Variants in LHFPL3 observed in about 807,000 individuals in gnomAD.
LHFPL3 encodes LHFPL tetraspan subfamily member 3 protein.
LHFPL3 carries 5 observed loss-of-function variants against 19.3 expected under a neutral mutation model. The observed-to-expected ratio is 0.26, with a 90% confidence interval of 0.14 to 0.54. The LOEUF (loss-of-function observed/expected upper bound fraction) is 0.54, where lower values mean the gene tolerates loss of function less well. Among genes scored for constraint, LHFPL3 ranks in the 20% least tolerant of loss-of-function variants. The pLI, the probability that LHFPL3 is intolerant of heterozygous loss-of-function variation, is 0.94. For synonymous variants in LHFPL3, 133 were observed against 126.2 expected (o/e 1.05, Z -0.36); for missense variants, 249 against 307.4 (o/e 0.81, Z 1.42).
chr7:104,635,169 G>C (rs994643432), intron 1 of LHFPL3, among the ~76,000 whole-genome samples: 3 of 151,872 alleles, frequency 2.0e-5, no homozygotes, highest in African/African-American at 4.8e-5. Context: ...TAGACAATAT[G>C]GGGGGGAAAG....
chr7:104,329,365 G>A, intron 1 of LHFPL3, 141 bp downstream of exon 1: 1 of 1,142,830 alleles, frequency 8.8e-7, no homozygotes, highest in Non-Finnish European at 1.2e-6. Context: ...GGTGTGGGGG[G>A]CGGGAGCCCA....
chr7:104,800,999 G>A (rs557055201), intron 2 of LHFPL3, among the ~76,000 whole-genome samples: 2 of 152,204 alleles, frequency 1.3e-5, no homozygotes, highest in African/African-American at 2.4e-5. Flanking sequence ...AATGAGGGAG[G>A]TGATCAGGCA....
intron 2 of LHFPL3, among the ~76,000 whole-genome samples, chr7:104,758,439 G>A (rs748981445): frequency 3.3e-5 from 5 of 152,154 alleles, no homozygotes; most frequent in East Asian, 1.9e-4. Context: ...AATCATGGCT[G>A]TATAGAGGGG....
At chr7:104,568,895 G>C (rs1790174334) in intron 1 of LHFPL3, among the ~76,000 whole-genome samples, 2 of 152,180 alleles carry the variant, frequency 1.3e-5, no homozygotes, top group South Asian at 4.1e-4. Context: ...TTGGGATGTA[G>C]AATAGCAGAA....
chr7:104,525,376 G>T (rs1368938152), intron 1 of LHFPL3, among the ~76,000 whole-genome samples: 2 of 151,892 alleles, frequency 1.3e-5, no homozygotes, highest in Non-Finnish European at 2.9e-5. Flanking sequence ...TATTTTCATG[G>T]GTACTGATTT....
chr7:104,408,359 AT>A (rs11428458), intron 1 of LHFPL3, among the ~76,000 whole-genome samples: 4,710 of 149,064 alleles, frequency 0.032, 210 homozygotes, highest in East Asian at 0.16. Context: ...TTGTGGCAAC[AT>A]TTTTTTTTTT....
At chr7:104,802,930 G>C (rs1790284402) in intron 2 of LHFPL3, 1 of 152,242 alleles carries the variant, frequency 6.6e-6, no homozygotes. Flanking sequence ...TCTAAAATAT[G>C]ATGCTCTCCA....
intron 2 of LHFPL3, among the ~76,000 whole-genome samples, chr7:104,850,570 G>C (rs140430973): frequency 0.012 from 1,833 of 152,256 alleles, 37 homozygotes; most frequent in African/African-American, 0.042. Flanking sequence ...GCTTCCCCAG[G>C]ACAGGAAGTA....
chr7:104,489,010 C>T (rs994119816), intron 1 of LHFPL3, among the ~76,000 whole-genome samples: 16 of 152,124 alleles, frequency 1.1e-4, no homozygotes, highest in Admixed American at 5.2e-4. Context: ...GAAGGGACCC[C>T]CACTTGGTTT....
chr7:104,605,840 T>C (rs1211113226), intron 1 of LHFPL3, among the ~76,000 whole-genome samples: 1 of 149,694 alleles, frequency 6.7e-6, no homozygotes, highest in African/African-American at 2.4e-5. Context: ...CAAGTCCTTT[T>C]TGAATTTGGT....
At chr7:104,697,563 G>A (rs1793020117) in intron 1 of LHFPL3, among the ~76,000 whole-genome samples, 1 of 152,182 alleles carries the variant, frequency 6.6e-6, no homozygotes, top group Non-Finnish European at 1.5e-5. Flanking sequence ...AGTCAGATTT[G>A]CTGTGTATTA....
intron 1 of LHFPL3, among the ~76,000 whole-genome samples, chr7:104,702,053 T>C (rs1337235454): frequency 2.0e-5 from 3 of 150,574 alleles, no homozygotes; most frequent in Non-Finnish European, 3.0e-5. Context: ...CAGGCCCCAG[T>C]GTGTGATGTT....
intron 1 of LHFPL3, among the ~76,000 whole-genome samples, chr7:104,500,545 C>G (rs739382): frequency 0.36 from 54,886 of 151,532 alleles, 10,222 homozygotes; most frequent in South Asian, 0.45. Flanking sequence ...GGTTTTTGCG[C>G]TAATATCTCT....
At chr7:104,813,842 A>C (rs1790518633) in intron 2 of LHFPL3, among the ~76,000 whole-genome samples, 1 of 152,212 alleles carries the variant, frequency 6.6e-6, no homozygotes, top group African/African-American at 2.4e-5. Flanking sequence ...TCAAAGAAGG[A>C]GTCATAGCCC....
At chr7:104,895,579 A>C (rs1792340028) in intron 2 of LHFPL3, 1 of 152,446 alleles carries the variant, frequency 6.6e-6, no homozygotes, top group Admixed American at 6.5e-5. Context: ...GAGAGAGAAA[A>C]GCCTGGGAGC....
intron 1 of LHFPL3, among the ~76,000 whole-genome samples, chr7:104,479,180 C>T (rs1215199029): frequency 1.3e-5 from 2 of 152,180 alleles, no homozygotes; most frequent in African/African-American, 4.8e-5. Context: ...AGAGTGGGCT[C>T]AGTTTACTGA....
chr7:104,827,434 T>G (rs971129512), intron 2 of LHFPL3, among the ~76,000 whole-genome samples: 1 of 152,024 alleles, frequency 6.6e-6, no homozygotes, highest in Non-Finnish European at 1.5e-5. Context: ...AATTAGATTA[T>G]AGTCTTGGGG....
intron 1 of LHFPL3, among the ~76,000 whole-genome samples, chr7:104,519,798 T>C (rs1794010054): frequency 6.6e-6 from 1 of 152,186 alleles, no homozygotes; most frequent in African/African-American, 2.4e-5. Flanking sequence ...CACATCTGTG[T>C]GCTTCTAGGG....
At chr7:104,896,150 C>T (rs1250121072) in intron 2 of LHFPL3, 1 of 152,232 alleles carries the variant, frequency 6.6e-6, no homozygotes, top group African/African-American at 2.4e-5. Context: ...GCGCTATCTC[C>T]AAATACAGTC....
Sources: allele counts gnomAD v4.1 joint callset (sites outside exome capture counted in the v4.1 genomes callset), GRCh38; gene constraint gnomAD v4.1.1; transcripts MANE v1.5; gene names NCBI Gene and HGNC (gene_info 2026-07-23, HGNC 2026-07-21).